ADK: variants seen among roughly 807,000 people sequenced by gnomAD.
The protein encoded by ADK is adenosine kinase.
ADK carries 24 observed loss-of-function variants against 44.7 expected under a neutral mutation model. The ratio of observed to expected loss-of-function variants is 0.54; its 90% CI spans 0.39 to 0.76. The LOEUF is 0.76. Ranked by LOEUF, ADK falls within the 30% of genes least tolerant of loss-of-function variation. The probability of loss-of-function intolerance (pLI) is 0.00; values close to 1 mark genes in which losing one functional copy is unlikely to be tolerated. For synonymous variants in ADK, 128 were observed against 142.6 expected (o/e 0.90, Z 0.73); for missense variants, 321 against 425.1 (o/e 0.76, Z 2.15).
intron 3 of ADK, among the ~76,000 whole-genome samples, chr10:74,303,030 A>G (rs1379135698): frequency 6.6e-6 from 1 of 152,202 alleles, no homozygotes; most frequent in East Asian, 1.9e-4. Flanking sequence ...TTTTGCATTA[A>G]TATTAACTTT....
At chr10:74,682,656 C>T (rs1251992557) in intron 10 of ADK, among the ~76,000 whole-genome samples, 1 of 151,218 alleles carries the variant, frequency 6.6e-6, no homozygotes, top group African/African-American at 2.4e-5. Context: ...TCACTGCAAC[C>T]TCTGCCTCCC....
chr10:74,216,808 G>A (rs1161853910), intron 2 of ADK, among the ~76,000 whole-genome samples: 3 of 152,024 alleles, frequency 2.0e-5, no homozygotes, highest in Non-Finnish European at 4.4e-5. Context: ...TTTATACTCA[G>A]GCAATAGAAT....
chr10:74,406,580 T>G (rs1399326976), intron 6 of ADK, among the ~76,000 whole-genome samples: 1 of 151,440 alleles, frequency 6.6e-6, no homozygotes, highest in Admixed American at 6.6e-5. Flanking sequence ...CACTTGTAGT[T>G]GACCCATGTC....
At chr10:74,631,336 G>A (rs573548466) in intron 9 of ADK, among the ~76,000 whole-genome samples, 88 of 150,572 alleles carry the variant, frequency 5.8e-4, no homozygotes, top group African/African-American at 2.0e-3. Flanking sequence ...GTGCAATGGC[G>A]CAACCTCAGC....
chr10:74,250,268 A>G (rs561328378), intron 3 of ADK, among the ~76,000 whole-genome samples: 1 of 152,362 alleles, frequency 6.6e-6, no homozygotes, highest in South Asian at 2.1e-4. Flanking sequence ...GCAAGAAGCT[A>G]TCATAGAGAA....
intron 3 of ADK, among the ~76,000 whole-genome samples, chr10:74,271,685 A>G (rs1318204682): frequency 1.3e-5 from 2 of 148,958 alleles, no homozygotes; most frequent in African/African-American, 5.0e-5. Context: ...TCCTTGTGAT[A>G]GTTTACTGAG....
chr10:74,243,222 G>A (rs1274210687), intron 3 of ADK, among the ~76,000 whole-genome samples: 1 of 152,152 alleles, frequency 6.6e-6, no homozygotes, highest in Non-Finnish European at 1.5e-5. Flanking sequence ...GCTGCTGTGG[G>A]ACCTGCATGG....
intron 7 of ADK, among the ~76,000 whole-genome samples, chr10:74,562,638 AT>A (rs1352529072): frequency 6.6e-6 from 1 of 152,240 alleles, no homozygotes; most frequent in African/African-American, 2.4e-5. Context: ...AGTCTTTACT[AT>A]GTTGCTGTAT....
intron 3 of ADK, among the ~76,000 whole-genome samples, chr10:74,247,178 T>A (rs1248482653): frequency 2.0e-5 from 3 of 151,364 alleles, no homozygotes; most frequent in Non-Finnish European, 4.4e-5. Context: ...CTTAGCTGAT[T>A]CTTGGATCAC....
intron 5 of ADK, 46 bp from the exon 6 acceptor site, chr10:74,398,425 C>A (rs1479798454): frequency 2.3e-6 from 3 of 1,320,548 alleles, no homozygotes; most frequent in South Asian, 1.3e-5. Context: ...GAAACATATG[C>A]TAAGTTTGAC....
intron 7 of ADK, among the ~76,000 whole-genome samples, chr10:74,531,205 T>C (rs1849279690): frequency 6.6e-6 from 1 of 152,168 alleles, no homozygotes; most frequent in Admixed American, 6.5e-5. Flanking sequence ...TGAGGACCTA[T>C]AACCATTCCT....
At chr10:74,641,450 G>A (rs752613341) in intron 9 of ADK, 22 of 152,264 alleles carry the variant, frequency 1.4e-4, no homozygotes, top group Middle Eastern at 6.8e-3. Flanking sequence ...ATCTATCTTG[G>A]GTTGGGTTTC....
intron 10 of ADK, among the ~76,000 whole-genome samples, chr10:74,695,151 AAGT>A (rs1856129995): frequency 6.6e-6 from 1 of 152,150 alleles, no homozygotes; most frequent in Non-Finnish European, 1.5e-5. Context: ...AGATTTTTAG[AAGT>A]ATTTAATCTG....
chr10:74,661,212 G>C, intron 9 of ADK: 3 of 578,390 alleles, frequency 5.2e-6, no homozygotes, highest in Non-Finnish European at 6.5e-6. Flanking sequence ...CCAGGCTTAA[G>C]GGAATTTAAA....
At chr10:74,578,293 ATTAT>A (rs942737061) in intron 7 of ADK, among the ~76,000 whole-genome samples, 7 of 152,246 alleles carry the variant, frequency 4.6e-5, no homozygotes, top group South Asian at 2.1e-4. Flanking sequence ...TAAAAAATTG[ATTAT>A]TTATCTTGTC....
At chr10:74,539,105 A>G (rs1849546526) in intron 7 of ADK, among the ~76,000 whole-genome samples, 1 of 152,286 alleles carries the variant, frequency 6.6e-6, no homozygotes. Flanking sequence ...TTTGGGAGGA[A>G]AAAAGAAACT....
chr10:74,510,313 G>A (rs1486584133), intron 6 of ADK, among the ~76,000 whole-genome samples: 1 of 152,040 alleles, frequency 6.6e-6, no homozygotes, highest in African/African-American at 2.4e-5. Flanking sequence ...CTGATGATTA[G>A]TGATGTTGGG....
At chr10:74,505,899 C>G (rs1848055076) in intron 6 of ADK, among the ~76,000 whole-genome samples, 1 of 152,020 alleles carries the variant, frequency 6.6e-6, no homozygotes, top group African/African-American at 2.4e-5. Context: ...TGTGGGTGAC[C>G]CGGGGCATTG....
intron 4 of ADK, among the ~76,000 whole-genome samples, chr10:74,363,871 G>T (rs1842419074): frequency 6.6e-6 from 1 of 152,088 alleles, no homozygotes; most frequent in Non-Finnish European, 1.5e-5. Context: ...AGCTCAAATG[G>T]GCACCCATCT....
Sources: allele counts gnomAD v4.1 joint callset (sites outside exome capture counted in the v4.1 genomes callset), GRCh38; gene constraint gnomAD v4.1.1; transcripts MANE v1.5; gene names NCBI Gene and HGNC (gene_info 2026-07-23, HGNC 2026-07-21).